ADAMTSL3: variants seen among roughly 807,000 people sequenced by gnomAD.
The protein encoded by ADAMTSL3 is ADAMTS like 3.
ADAMTSL3 carries 128 observed loss-of-function variants against 201.7 expected under a neutral mutation model. The observed-to-expected ratio is 0.63, with a 90% CI of 0.55 to 0.73. ADAMTSL3 has a LOEUF of 0.73. ADAMTSL3 is among the 30% of genes least tolerant of loss of function. The probability of loss-of-function intolerance (pLI) is 0.00; values close to 1 mark genes in which losing one functional copy is unlikely to be tolerated. For synonymous variants in ADAMTSL3, 738 were observed against 748.4 expected, an observed-to-expected ratio of 0.99 and a Z score of 0.23; for missense variants, 1,990 against 2,119.6, an observed-to-expected ratio of 0.94 and a Z score of 1.20.
intron 6 of ADAMTSL3, among the ~76,000 whole-genome samples, chr15:83,831,168 C>T (rs530947323): frequency 1.5e-4 from 23 of 152,116 alleles, no homozygotes; most frequent in Non-Finnish European, 2.4e-4. Context: ...CTATGTTTTC[C>T]CCTCCTTTCA....
At chr15:83,957,461 C>A (rs2066883136) in intron 19 of ADAMTSL3, among the ~76,000 whole-genome samples, 1 of 152,060 alleles carries the variant, frequency 6.6e-6, no homozygotes, top group African/African-American at 2.4e-5. Flanking sequence ...GCTTGAAAAA[C>A]CTTGTTAGAT....
At position 83,999,962 on chromosome 15, in the gene ADAMTSL3, C is replaced by A. The variant is rs1880731; in HGVS notation, c.3973+8748C>A. Among the ~76,000 whole-genome samples, 637 of 151,828 alleles carry A rather than the reference C, an allele frequency of 4.2e-3. 1 individual carries two copies. Among genetic ancestry groups the A allele is most frequent in the African/African-American group, 0.015 (602 of 41,400 alleles). The stretch of plus-strand genomic sequence containing the variant: ...CCTAAACATGGTCTCATTGCTCTGA[C>A]AATTATTTTCCCCTATCAACTGCTA... On this transcript the variant is annotated intron_variant, in intron 23 of 29. Transcript: ENST00000286744.
At chr15:83,923,044 C>A (rs1429767887) in intron 16 of ADAMTSL3, among the ~76,000 whole-genome samples, 1 of 152,116 alleles carries the variant, frequency 6.6e-6, no homozygotes, top group East Asian at 1.9e-4. Context: ...TGGGGTCAGA[C>A]AGACCTGTCT....
At chr15:83,662,101 CT>C (rs1316924670) in intron 2 of ADAMTSL3, among the ~76,000 whole-genome samples, 4 of 144,950 alleles carry the variant, frequency 2.8e-5, no homozygotes, top group Admixed American at 2.1e-4. Flanking sequence ...ATAAATCATG[CT>C]GCTATAAAGA....
At chr15:83,818,850 C>G (rs1287402953) in intron 5 of ADAMTSL3, among the ~76,000 whole-genome samples, 1 of 152,126 alleles carries the variant, frequency 6.6e-6, no homozygotes, top group Admixed American at 6.5e-5. Context: ...AATTTATTTG[C>G]TTTTGTTGTA....
Position 83,942,973 on chromosome 15 carries a change from G to A in ADAMTSL3, c.2381G>A (p.Ser794Asn). ...VTCRQLLTDGSFLNLSDELCQ... is the reference protein window; with the variant it reads ...VTCRQLLTDGNFLNLSDELCQ... ...TGTCGGCAGCTGCTAACGGATGGCA[G>A]CTTTTTGAATCTCTCAGATGAATTG... Residue 794 changes from serine to asparagine, a missense_variant, in exon 19 of 30, where the codon AGC becomes AAC. Transcript: ENST00000286744. The A allele has an allele frequency of 6.2e-7, 1 of 1,614,082 alleles. No individual in the cohort carries two copies. Among genetic ancestry groups the A allele is most frequent in the Non-Finnish European group, 8.5e-7 (1 of 1,179,978 alleles).
chr15:83,954,263 C>T (rs1287694688), intron 19 of ADAMTSL3, among the ~76,000 whole-genome samples: 2 of 152,010 alleles, frequency 1.3e-5, no homozygotes, highest in South Asian at 4.2e-4. Context: ...TTTTAAAATA[C>T]CCTGTTTTCA....
At position 83,885,086 on chromosome 15, in the gene ADAMTSL3, G is replaced by A. The variant is rs770737895; in HGVS notation, c.961-15G>A. The A allele has an allele frequency of 7.6e-6, 12 of 1,588,928 alleles. No individual in the cohort carries two copies. Among genetic ancestry groups the A allele is most frequent in the South Asian group, 4.5e-5 (4 of 89,790 alleles). ...CCTTGTTTGCACGTGTGTTCTCACAGTTCTCTTTGTCCAGACCAGGTACAC... is the reference window on the plus strand; with the variant it reads ...CCTTGTTTGCACGTGTGTTCTCACAATTCTCTTTGTCCAGACCAGGTACAC... On this transcript the variant is annotated splice_polypyrimidine_tract_variant and intron_variant, in intron 9 of 29. Transcript: ENST00000286744.
chr15:84,025,600 A>G, intron 27 of ADAMTSL3, 164 bp downstream of exon 27: 2 of 679,236 alleles, frequency 2.9e-6, no homozygotes, highest in Middle Eastern at 4.1e-4. Context: ...ACATTTAGAA[A>G]TCATAGTATC....
At chr15:83,734,231 A>G (rs908845546) in intron 3 of ADAMTSL3, among the ~76,000 whole-genome samples, 2 of 152,118 alleles carry the variant, frequency 1.3e-5, no homozygotes, top group Admixed American at 1.3e-4. Flanking sequence ...AGCATTTAAC[A>G]TTTTGCAATT....
chr15:83,721,515 C>T (rs1373390796), intron 3 of ADAMTSL3, among the ~76,000 whole-genome samples: 2 of 152,092 alleles, frequency 1.3e-5, no homozygotes, highest in Non-Finnish European at 2.9e-5. Context: ...TCTCTGAGAG[C>T]CCCTTGTTTA....
intron 7 of ADAMTSL3, among the ~76,000 whole-genome samples, chr15:83,849,462 C>T (rs1292809803): frequency 1.3e-5 from 2 of 152,100 alleles, no homozygotes; most frequent in East Asian, 1.9e-4. Context: ...GCTTATAGAC[C>T]AATAGAAAAT....
Position 83,655,904 on chromosome 15 carries a change from C to T in ADAMTSL3, c.69+74C>T. 2.1e-6 allele frequency: 3 copies of T among 1,430,004 alleles called. No individual in the cohort carries two copies. In the South Asian group the frequency reaches 3.6e-5, roughly 17 times the overall value. The allele number at this position is 1,430,004 out of a possible 1,614,324, so 88.6% of individuals were successfully genotyped here. On this transcript the variant is annotated intron_variant, in intron 2 of 29. Transcript: ENST00000286744. Reference sequence around the variant, plus strand: ...TACTCAGAGGCATTATTGTATACCACCTAAGATGTGGCATGATTAGTGTTA... The same window carrying T: ...TACTCAGAGGCATTATTGTATACCATCTAAGATGTGGCATGATTAGTGTTA...
Position 84,036,908 on chromosome 15 carries a change from C to T in ADAMTSL3, c.4890C>T (p.Cys1630=), listed in dbSNP as rs757158906. Residue 1630 remains cysteine (C), a synonymous_variant, in exon 29 of 30, where the codon TGC becomes TGT. Transcript: ENST00000286744. ...RKVDCIHTRS[C]KPVAKRHCVQ... ...TCGACTGTATCCACACAAGGAGTTG[C>T]AAACCTGTGGCCAAGAGACACTGTG... The T allele has an allele frequency of 9.3e-6, 15 of 1,614,010 alleles. No homozygotes were observed. In the African/African-American group the frequency reaches 1.6e-4, roughly 17 times the overall value.
At chr15:83,919,523 G>A (rs1477655362) in intron 16 of ADAMTSL3, among the ~76,000 whole-genome samples, 4 of 152,150 alleles carry the variant, frequency 2.6e-5, no homozygotes, top group Non-Finnish European at 5.9e-5. Context: ...GAGGAGCAGA[G>A]ATGGAAACCA....
intron 5 of ADAMTSL3, among the ~76,000 whole-genome samples, chr15:83,805,797 A>C (rs772360961): frequency 2.2e-4 from 34 of 152,210 alleles, no homozygotes; most frequent in Non-Finnish European, 4.6e-4. Context: ...TGTGGCACAC[A>C]GTAACTCAAG....
At chr15:84,037,082 T>G (rs1315972427) in intron 29 of ADAMTSL3, 95 bp downstream of exon 29, 1 of 1,305,634 alleles carries the variant, frequency 7.7e-7, no homozygotes, top group African/African-American at 1.5e-5. Context: ...TGCTAGTGAT[T>G]ACCTCATCAG....
intron 6 of ADAMTSL3, among the ~76,000 whole-genome samples, chr15:83,827,151 T>G (rs2064041871): frequency 6.6e-6 from 1 of 152,336 alleles, no homozygotes; most frequent in East Asian, 1.9e-4. Context: ...TTCCTATTTC[T>G]CCACATCCTC....
At chr15:83,833,812 CTG>C (rs1471659723) in intron 6 of ADAMTSL3, among the ~76,000 whole-genome samples, 1 of 152,166 alleles carries the variant, frequency 6.6e-6, no homozygotes, top group Non-Finnish European at 1.5e-5. Flanking sequence ...TGGCTGGTGA[CTG>C]TAGTGGTGAA....
Sources: gnomAD v4.1 joint callset for allele counts (sites outside exome capture counted in the v4.1 genomes callset) on GRCh38, gnomAD v4.1.1 for gene constraint, MANE v1.5 for transcripts, NCBI Gene and HGNC (gene_info 2026-07-23, HGNC 2026-07-21) for gene names.